NANP: variants seen among roughly 807,000 people sequenced by gnomAD.
The protein encoded by NANP is N-acetylneuraminic acid phosphatase.
A neutral mutation model predicts 16.9 loss-of-function variants in NANP; 15 were observed. The ratio of observed to expected loss-of-function variants is 0.89; its 90% CI spans 0.59 to 1.37. The LOEUF (loss-of-function observed/expected upper bound fraction) is 1.37. Ranked by LOEUF, NANP falls within the 40% of genes most tolerant of loss-of-function variation. NANP has a pLI of 0.00. For synonymous variants in NANP, 135 were observed against 112.6 expected, an observed-to-expected ratio of 1.20 and a Z score of -1.26; for missense variants, 290 against 303.5, an observed-to-expected ratio of 0.96 and a Z score of 0.33.
chr20:25,618,648 T>C (rs1005867496), intron 1 of NANP, among the ~76,000 whole-genome samples: 1 of 152,024 alleles, frequency 6.6e-6, no homozygotes, highest in Non-Finnish European at 1.5e-5. Context: ...AGGATGGGGC[T>C]AAAAAGTATT....
In NANP at chr20:25,614,064, G is replaced by A. The variant is rs1600396041; in HGVS notation, c.*1861C>T. 2 of 384,038 alleles carry A rather than the reference G, an allele frequency of 5.2e-6. No individual in the cohort carries two copies. Among genetic ancestry groups the A allele is most frequent in the Middle Eastern group, 1.3e-3 (2 of 1,490 alleles). The allele number at this position is 384,038 out of a possible 1,614,324, so 23.8% of individuals were successfully genotyped here. On this transcript the variant is annotated 3_prime_UTR_variant, in exon 2 of 2. Transcript: ENST00000304788. Reference sequence around the variant, plus strand: ...CTACAAACATCCTCTGTTCACAAATGTTCACTGTTATAGCAACAGCACTTT... The same window carrying A: ...CTACAAACATCCTCTGTTCACAAATATTCACTGTTATAGCAACAGCACTTT...
chr20:25,622,062 T>C (rs1195979516), intron 1 of NANP, among the ~76,000 whole-genome samples: 2 of 152,216 alleles, frequency 1.3e-5, no homozygotes, highest in Non-Finnish European at 2.9e-5. Context: ...AAATATCCTT[T>C]GACAGATGCA....
At chr20:25,620,467 C>T (rs1555882110) in intron 1 of NANP, among the ~76,000 whole-genome samples, 1 of 152,170 alleles carries the variant, frequency 6.6e-6, no homozygotes, top group Non-Finnish European at 1.5e-5. Flanking sequence ...TCTGTCTGCT[C>T]CCTAGACCCA....
chr20:25,623,035 C>T (rs1391912726), intron 1 of NANP, among the ~76,000 whole-genome samples: 1 of 152,232 alleles, frequency 6.6e-6, no homozygotes, highest in African/African-American at 2.4e-5. Context: ...CAAAAACTAA[C>T]TGATGAAGCA....
In NANP at chr20:25,613,707, G is replaced by A. The variant is rs2065330997; in HGVS notation, c.*2218C>T. On this transcript the variant is annotated 3_prime_UTR_variant, in exon 2 of 2. Coordinates refer to ENST00000304788, the MANE Select transcript of NANP (RefSeq NM_152667.3). The stretch of plus-strand genomic sequence containing the variant: ...ATGTAATACATTACTGTACTCTGTA[G>A]AATACAAACTGTGAAGACAAGGAAA... 4 of 398,192 alleles carry A rather than the reference G, an allele frequency of 1.0e-5. No individual in the cohort carries two copies. The highest frequency in any genetic ancestry group is 1.3e-5 in the Non-Finnish European group (3 of 225,908). The allele number at this position is 398,192 out of a possible 1,614,324, so 24.7% of individuals were successfully genotyped here. A position where few individuals can be genotyped will look rare whatever the true frequency, so the allele number is the denominator to read the frequency against.
At chr20:25,622,015 T>C (rs2065366275) in intron 1 of NANP, among the ~76,000 whole-genome samples, 1 of 152,268 alleles carries the variant, frequency 6.6e-6, no homozygotes, top group Non-Finnish European at 1.5e-5. Context: ...AGAAGCTCAC[T>C]ATTTAGTAGT....
intron 1 of NANP, among the ~76,000 whole-genome samples, chr20:25,619,137 TTTC>T (rs1022816214): frequency 4.6e-5 from 7 of 151,260 alleles, no homozygotes; most frequent in African/African-American, 1.7e-4. Flanking sequence ...TTTTTTTTTT[TTTC>T]CCCAAACAGG....
rs1247018658 is a variant in NANP at position 25,615,026 on chromosome 20, A to G, written c.*899T>C. On this transcript the variant is annotated 3_prime_UTR_variant, in exon 2 of 2. Transcript: ENST00000304788. ...ATTGGGGGCTGCATTGTTAGGCTAC[A>G]CTGAGGAAATGTTCCTCTTATGGAT... The G allele has an allele frequency of 6.6e-6, 1 of 152,130 alleles. No individual in the cohort carries two copies. Among genetic ancestry groups the G allele is most frequent in the African/African-American group, 2.4e-5 (1 of 41,430 alleles). 9.4% of individuals were successfully genotyped at this position (152,130 alleles called of 1,614,324 possible). A position where few individuals can be genotyped will look rare whatever the true frequency, so the allele number is the denominator to read the frequency against.
At chr20:25,620,824 T>C (rs6132853) in intron 1 of NANP, among the ~76,000 whole-genome samples, 24,062 of 137,534 alleles carry the variant, frequency 0.17, 2,117 homozygotes, top group East Asian at 0.35. Context: ...GAGGCCCCCC[T>C]TTTTTTTTTT....
Position 25,623,961 on chromosome 20 carries a change from T to A in NANP, c.-13A>T, listed in dbSNP as rs534649559. The A allele has an allele frequency of 2.5e-6, 4 of 1,610,906 alleles. No individual in the cohort carries two copies. In the Admixed American group the frequency reaches 6.7e-5, roughly 27 times the overall value. ...GGCTCAGCCCCATAGCGCCGGCCGC[T>A]GGCGCGAACCGTAGCCTTGCCACCG... On this transcript the variant is annotated 5_prime_UTR_variant, in exon 1 of 2. Transcript: ENST00000304788.
intron 1 of NANP, among the ~76,000 whole-genome samples, chr20:25,620,478 G>A (rs2065360318): frequency 6.6e-6 from 1 of 152,200 alleles, no homozygotes; most frequent in African/African-American, 2.4e-5. Flanking sequence ...CCTAGACCCA[G>A]AACTAAAGTT....
intron 1 of NANP, among the ~76,000 whole-genome samples, chr20:25,619,019 A>G (rs8120594): frequency 0.16 from 24,834 of 152,054 alleles, 4,540 homozygotes; most frequent in African/African-American, 0.45. Flanking sequence ...TAGGGAATAA[A>G]CAGTATGCCA....
chr20:25,618,577 A>G (rs578175011), intron 1 of NANP, among the ~76,000 whole-genome samples: 9 of 152,076 alleles, frequency 5.9e-5, no homozygotes, highest in Admixed American at 5.2e-4. Context: ...TTCCCTCTCC[A>G]AGTATGGGCC....
At chr20:25,623,078 T>C (rs2122212471) in intron 1 of NANP, among the ~76,000 whole-genome samples, 1 of 152,308 alleles carries the variant, frequency 6.6e-6, no homozygotes, top group East Asian at 1.9e-4. Context: ...TTTGGATGAA[T>C]TAGCTTTTGA....
At position 25,623,930 on chromosome 20, in the gene NANP, G is replaced by C. The variant is rs1380983156; in HGVS notation, c.19C>G (p.Arg7Gly). The C allele has an allele frequency of 1.2e-6, 2 of 1,613,110 alleles. No individual in the cohort carries two copies. The highest frequency in any genetic ancestry group is 2.2e-5 in the East Asian group (1 of 44,846). The change falls in exon 1 of 2, where the codon CGG becomes GGG. Residue 7 changes from arginine (R) to glycine (G), a missense_variant. Transcript: ENST00000304788. MGLSRV[R>G]AVFFDLDNTL... ...TTGTCCAAGTCAAAGAAAACCGCCC[G>C]CACGCGGCTCAGCCCCATAGCGCCG...
In NANP at chr20:25,623,980, G is replaced by T. The variant is rs1031040950; in HGVS notation, c.-32C>A. 2 of 1,602,960 alleles carry T rather than the reference G, an allele frequency of 1.2e-6. No individual in the cohort carries two copies. Among genetic ancestry groups the T allele is most frequent in the East Asian group, 2.2e-5 (1 of 44,638 alleles). On this transcript the variant is annotated 5_prime_UTR_variant, in exon 1 of 2. Transcript: ENST00000304788. ...GGCCGCTGGCGCGAACCGTAGCCTT[G>T]CCACCGCCGCCTGCGCATGCGCAAG...
Position 25,613,535 on chromosome 20 carries a change from A to T in NANP, c.*2390T>A. On this transcript the variant is annotated 3_prime_UTR_variant, in exon 2 of 2. Coordinates refer to ENST00000304788, the MANE Select transcript of NANP (RefSeq NM_152667.3). ...AAAAAAATAAAGATGACAAAACATC[A>T]CCCATAATTTTAAGGAATATTATTC... 3.2e-6 allele frequency: 1 copy of T among 312,282 alleles called. No homozygotes were observed. The allele number at this position is 312,282 out of a possible 1,614,324, so 19.3% of individuals were successfully genotyped here. A position where few individuals can be genotyped will look rare whatever the true frequency, so the allele number is the denominator to read the frequency against.
chr20:25,615,719 G>T lies in NANP; in HGVS notation c.*206C>A, dbSNP rs1304690564. Reference sequence around the variant, plus strand: ...CTACTGACCTGAATTCATGCAATCTGAATTTTCAGATATAAGTACCACTCA... The same window carrying T: ...CTACTGACCTGAATTCATGCAATCTTAATTTTCAGATATAAGTACCACTCA... On this transcript the variant is annotated 3_prime_UTR_variant, in exon 2 of 2. Coordinates refer to ENST00000304788, the MANE Select transcript of NANP (RefSeq NM_152667.3). The T allele has an allele frequency of 1.9e-6, 1 of 533,116 alleles. No individual in the cohort carries two copies. Among genetic ancestry groups the T allele is most frequent in the African/African-American group, 1.9e-5 (1 of 52,274 alleles). The allele number at this position is 533,116 out of a possible 1,614,324, so 33.0% of individuals were successfully genotyped here.
At position 25,613,725 on chromosome 20, in the gene NANP, C is replaced by A. The variant is rs56298259; in HGVS notation, c.*2200G>T. The stretch of plus-strand genomic sequence containing the variant: ...CTCTGTAGAATACAAACTGTGAAGA[C>A]AAGGAAATTTAATTATTCAATTTTT... On this transcript the variant is annotated 3_prime_UTR_variant, in exon 2 of 2. Transcript: ENST00000304788. 4.4e-4 allele frequency: 176 copies of A among 398,426 alleles called. No individual in the cohort carries two copies. Among genetic ancestry groups the A allele is most frequent in the Non-Finnish European group, 6.2e-4 (141 of 225,992 alleles). The allele number at this position is 398,426 out of a possible 1,614,324, so 24.7% of individuals were successfully genotyped here. A position where few individuals can be genotyped will look rare whatever the true frequency, so the allele number is the denominator to read the frequency against.
Sources: gnomAD v4.1 joint callset for allele counts (sites outside exome capture counted in the v4.1 genomes callset) on GRCh38, gnomAD v4.1.1 for gene constraint, MANE v1.5 for transcripts, NCBI Gene and HGNC (gene_info 2026-07-23, HGNC 2026-07-21) for gene names.